The following ADGRG7 variants were observed in gnomAD, a reference collection of about 807,000 sequenced individuals.
ADGRG7 encodes G-protein coupled receptor 128.
Under a neutral mutation model 88.6 loss-of-function variants are expected in ADGRG7, and 82 were observed. The observed-to-expected ratio is 0.93, with a 90% CI of 0.77 to 1.11. The LOEUF (loss-of-function observed/expected upper bound fraction) is 1.11. ADGRG7 is among the 50% of genes most tolerant of loss of function. The pLI is 0.00. For missense variants in ADGRG7, 945 were observed against 953.4 expected (o/e 0.99, Z 0.12); for synonymous variants, 381 against 345.2 (o/e 1.10, Z -1.15).
intron 13 of ADGRG7, among the ~76,000 whole-genome samples, chr3:100,657,164 GATA>G (rs1343646437): frequency 6.6e-6 from 1 of 152,140 alleles, no homozygotes; most frequent in Non-Finnish European, 1.5e-5. Flanking sequence ...CGAGGCAACT[GATA>G]ATAAGAGAAG....
Position 100,655,128 on chromosome 3 carries a change from C to G in ADGRG7, c.1673C>G (p.Thr558Ser). 6.2e-7 allele frequency: 1 copy of G among 1,613,664 alleles called. No individual in the cohort carries two copies. Among genetic ancestry groups the G allele is most frequent in the South Asian group, 1.1e-5 (1 of 91,038 alleles). ...CAGCTCTATTACCTTCTAATAAGGA[C>G]CATGAAGCCTCTTCCTCGGCATTTC... The part of the protein sequence containing the change: ...AAQLYYLLIR[T>S]MKPLPRHFIL... Residue 558 changes from threonine (T) to serine (S), a missense_variant, in exon 12 of 16, where the codon ACC becomes AGC. Coordinates refer to ENST00000273352, the MANE Select transcript of ADGRG7 (RefSeq NM_032787.3).
At chr3:100,681,207 GT>G (rs1042420744) in intron 15 of ADGRG7, among the ~76,000 whole-genome samples, 250 of 146,202 alleles carry the variant, frequency 1.7e-3, no homozygotes, top group African/African-American at 4.8e-3. Flanking sequence ...CTTTGGAGAG[GT>G]TTTTTTTTTA....
At chr3:100,669,796 G>T (rs2094956213) in intron 15 of ADGRG7, among the ~76,000 whole-genome samples, 1 of 152,086 alleles carries the variant, frequency 6.6e-6, no homozygotes, top group African/African-American at 2.4e-5. Context: ...AGCACTTTGG[G>T]AGGCTGAGAC....
At chr3:100,693,150 G>C (rs955287634) in intron 15 of ADGRG7, among the ~76,000 whole-genome samples, 1 of 152,158 alleles carries the variant, frequency 6.6e-6, no homozygotes, top group Admixed American at 6.5e-5. Context: ...CAACAGGATG[G>C]TGTTTTTATG....
At chr3:100,631,255 G>A (rs1447670907) in intron 3 of ADGRG7, among the ~76,000 whole-genome samples, 1 of 152,054 alleles carries the variant, frequency 6.6e-6, no homozygotes, top group Non-Finnish European at 1.5e-5. Flanking sequence ...GGTCATTTTA[G>A]TTATCCATCT....
At chr3:100,686,549 T>TGTATAAG (rs1163274893) in intron 15 of ADGRG7, among the ~76,000 whole-genome samples, 2 of 152,378 alleles carry the variant, frequency 1.3e-5, no homozygotes, top group East Asian at 3.9e-4. Context: ...AATTAATTTT[T>TGTATAAG]GTATAAGGTA....
chr3:100,663,711 A>G (rs1394698954), intron 14 of ADGRG7, among the ~76,000 whole-genome samples: 2 of 152,058 alleles, frequency 1.3e-5, no homozygotes, highest in African/African-American at 4.8e-5. Context: ...TAGTTTTGAG[A>G]TGACTAAGAT....
At chr3:100,614,485 A>G (rs1158570558) in intron 1 of ADGRG7, among the ~76,000 whole-genome samples, 1 of 152,228 alleles carries the variant, frequency 6.6e-6, no homozygotes, top group African/African-American at 2.4e-5. Context: ...TTAAATAAAG[A>G]CTATGTGTAT....
chr3:100,671,609 T>G (rs190499477), intron 15 of ADGRG7, among the ~76,000 whole-genome samples: 1 of 152,336 alleles, frequency 6.6e-6, no homozygotes, highest in Non-Finnish European at 1.5e-5. Context: ...CTTTTGGTGT[T>G]TTAGTCATGA....
chr3:100,652,947 C>A (rs1164525761), intron 11 of ADGRG7, among the ~76,000 whole-genome samples: 2 of 152,148 alleles, frequency 1.3e-5, no homozygotes, highest in East Asian at 3.8e-4. Flanking sequence ...CTTGGTTGTA[C>A]ACCCAGAAAT....
At chr3:100,688,153 G>T (rs1390485323) in intron 15 of ADGRG7, among the ~76,000 whole-genome samples, 1 of 152,190 alleles carries the variant, frequency 6.6e-6, no homozygotes, top group Non-Finnish European at 1.5e-5. Context: ...AGATTTTCTA[G>T]TTTATTTGCA....
At chr3:100,652,313 T>A (rs1224661673) in intron 11 of ADGRG7, among the ~76,000 whole-genome samples, 1 of 152,134 alleles carries the variant, frequency 6.6e-6, no homozygotes, top group Non-Finnish European at 1.5e-5. Context: ...GAGGTCATGA[T>A]GAAACATCGT....
chr3:100,617,262 C>T (rs1012478921), intron 1 of ADGRG7, among the ~76,000 whole-genome samples: 1 of 151,940 alleles, frequency 6.6e-6, no homozygotes. Context: ...GGTACATGTG[C>T]ACAACATGCA....
intron 1 of ADGRG7, among the ~76,000 whole-genome samples, chr3:100,621,582 T>TA (rs1707312192): frequency 6.6e-6 from 1 of 152,136 alleles, no homozygotes; most frequent in African/African-American, 2.4e-5. Context: ...TTGAGAAAAC[T>TA]ACAAAGGAAA....
At chr3:100,617,907 G>A (rs936062452) in intron 1 of ADGRG7, among the ~76,000 whole-genome samples, 1 of 152,028 alleles carries the variant, frequency 6.6e-6, no homozygotes, top group Non-Finnish European at 1.5e-5. Flanking sequence ...GATCGCCATT[G>A]TAACTGGTGT....
intron 8 of ADGRG7, among the ~76,000 whole-genome samples, chr3:100,645,486 C>G (rs1707728133): frequency 1.3e-5 from 2 of 152,236 alleles, no homozygotes; most frequent in Admixed American, 1.3e-4. Flanking sequence ...CCCCTTTGAA[C>G]AGGAGACCGA....
At chr3:100,637,222 C>T in intron 5 of ADGRG7, 80 bp from the exon 6 acceptor site, 1 of 966,918 alleles carries the variant, frequency 1.0e-6, no homozygotes, top group South Asian at 1.4e-5. Context: ...CTTGCTACTA[C>T]AATGATTCAT....
intron 2 of ADGRG7, among the ~76,000 whole-genome samples, chr3:100,630,380 G>A (rs1299660579): frequency 6.6e-6 from 1 of 152,122 alleles, no homozygotes; most frequent in East Asian, 1.9e-4. Flanking sequence ...CATCCTCATG[G>A]TACCGTTGAC....
intron 4 of ADGRG7, 74 bp downstream of exon 4, chr3:100,633,451 T>C (rs1294409031): frequency 1.0e-5 from 7 of 681,768 alleles, no homozygotes; most frequent in Non-Finnish European, 1.6e-5. Flanking sequence ...TTCAGATACC[T>C]GATGGTCAAA....
Sources: allele counts gnomAD v4.1 joint callset (sites outside exome capture counted in the v4.1 genomes callset), GRCh38; gene constraint gnomAD v4.1.1; transcripts MANE v1.5; gene names NCBI Gene and HGNC (gene_info 2026-07-23, HGNC 2026-07-21).